TENM3: variants seen among roughly 807,000 people sequenced by gnomAD.
The protein encoded by TENM3 is teneurin transmembrane protein 3.
TENM3 carries 63 observed loss-of-function variants against 255.1 expected under a neutral mutation model. The observed-to-expected ratio is 0.25, with a 90% CI of 0.20 to 0.30. The LOEUF (loss-of-function observed/expected upper bound fraction) is 0.30. Ranked by LOEUF, TENM3 falls within the 10% of genes least tolerant of loss-of-function variation. The pLI is 1.00. For missense variants in TENM3, 2,929 were observed against 3,461.1 expected (o/e 0.85, Z 3.86); for synonymous variants, 1,306 against 1,322.3 (o/e 0.99, Z 0.27).
chr4:182,342,091 G>C (rs115783966), intron 2 of TENM3, among the ~76,000 whole-genome samples: 1 of 152,100 alleles, frequency 6.6e-6, no homozygotes, highest in African/African-American at 2.4e-5. Context: ...TGCCTCAAAA[G>C]GTTCAATACA....
the TENM3 span, among the ~76,000 whole-genome samples, chr4:181,863,285 A>G: frequency 6.6e-6 from 1 of 152,158 alleles, no homozygotes; most frequent in African/African-American, 2.4e-5. Flanking sequence ...AACTGTAAGC[A>G]ATGCATTTTT....
the TENM3 span, among the ~76,000 whole-genome samples, chr4:182,026,637 A>G: frequency 2.0e-5 from 3 of 152,124 alleles, no homozygotes; most frequent in African/African-American, 7.2e-5. Context: ...TGATTTTTGT[A>G]TATGGTGAGA....
At chr4:182,634,707 TAA>T (rs11395245) in intron 5 of TENM3, among the ~76,000 whole-genome samples, 150 of 116,372 alleles carry the variant, frequency 1.3e-3, no homozygotes, top group African/African-American at 3.6e-3. Flanking sequence ...ACTCTGAAAT[TAA>T]AAAAAAAAAA....
intron 5 of TENM3, among the ~76,000 whole-genome samples, chr4:182,641,768 C>G (rs1181284562): frequency 6.6e-6 from 1 of 152,186 alleles, no homozygotes; most frequent in Non-Finnish European, 1.5e-5. Flanking sequence ...CTCAAGTGAT[C>G]CACCTGCTTC....
chr4:182,298,784 C>A (rs1761652013), intron 1 of TENM3, among the ~76,000 whole-genome samples: 1 of 151,478 alleles, frequency 6.6e-6, no homozygotes, highest in African/African-American at 2.4e-5. Flanking sequence ...ACCAGCCTGG[C>A]CAATATGGTG....
At chr4:182,258,594 T>C (rs927766616) in intron 1 of TENM3, among the ~76,000 whole-genome samples, 2 of 152,200 alleles carry the variant, frequency 1.3e-5, no homozygotes, top group Admixed American at 1.3e-4. Context: ...AGAACAGGTA[T>C]TGTTATGTAA....
At chr4:182,071,636 C>T in the TENM3 span, among the ~76,000 whole-genome samples, 1 of 151,894 alleles carries the variant, frequency 6.6e-6, no homozygotes, top group Non-Finnish European at 1.5e-5. Flanking sequence ...TTTGGGGGTA[C>T]ATGTGATAAT....
chr4:182,141,013 G>C (rs945693208), upstream of TENM3, among the ~76,000 whole-genome samples: 1 of 101,830 alleles, frequency 9.8e-6, no homozygotes. Context: ...CCAGCCCTTT[G>C]AGAGGCTTCC....
chr4:181,816,962 T>A, the TENM3 span, among the ~76,000 whole-genome samples: 1 of 152,350 alleles, frequency 6.6e-6, no homozygotes, highest in South Asian at 2.1e-4. Context: ...TTTCTCATTT[T>A]ATAGATAAGT....
At chr4:182,510,203 G>A (rs1364412179) in intron 3 of TENM3, among the ~76,000 whole-genome samples, 1 of 152,190 alleles carries the variant, frequency 6.6e-6, no homozygotes, top group South Asian at 2.1e-4. Context: ...AAAATGGCCA[G>A]ATTAATCTAG....
At chr4:181,771,438 G>A in the TENM3 span, among the ~76,000 whole-genome samples, 2 of 152,174 alleles carry the variant, frequency 1.3e-5, no homozygotes, top group Non-Finnish European at 2.9e-5. Context: ...AAGAAAAAAA[G>A]CAAGCTTGGT....
intron 4 of TENM3, among the ~76,000 whole-genome samples, chr4:182,618,615 T>TG (rs1209581048): frequency 8.0e-6 from 1 of 124,836 alleles, no homozygotes; most frequent in Non-Finnish European, 1.9e-5. Context: ...TGCTAAGACA[T>TG]GGGGTTTAAA....
chr4:181,822,031 G>A, the TENM3 span, among the ~76,000 whole-genome samples: 1 of 152,182 alleles, frequency 6.6e-6, no homozygotes, highest in African/African-American at 2.4e-5. Context: ...TAAAGAACAA[G>A]AGAGCTTTTC....
chr4:182,141,958 C>T (rs1382335022), upstream of TENM3: 2 of 152,170 alleles, frequency 1.3e-5, no homozygotes, highest in African/African-American at 4.8e-5. Flanking sequence ...TCACTTACTA[C>T]TTGGAAAAGT....
At chr4:181,605,492 AAG>A in the TENM3 span, among the ~76,000 whole-genome samples, 4 of 8,382 alleles carry the variant, frequency 4.8e-4, 1 homozygote, top group Non-Finnish European at 5.1e-4. Flanking sequence ...GAAAGAAAGA[AAG>A]AAAGAAAGAA....
chr4:182,510,423 C>T (rs1737274345), intron 3 of TENM3, among the ~76,000 whole-genome samples: 2 of 152,138 alleles, frequency 1.3e-5, no homozygotes, highest in South Asian at 4.1e-4. Context: ...GTCCCACTTG[C>T]CTAAAAGACT....
At chr4:182,254,188 G>A (rs1441124765) in intron 1 of TENM3, among the ~76,000 whole-genome samples, 1 of 152,180 alleles carries the variant, frequency 6.6e-6, no homozygotes, top group Non-Finnish European at 1.5e-5. Context: ...CATGTGCAGT[G>A]TAAAACAAAG....
chr4:182,434,006 C>T (rs991845593), intron 3 of TENM3, among the ~76,000 whole-genome samples: 5 of 151,832 alleles, frequency 3.3e-5, no homozygotes, highest in South Asian at 2.1e-4. Flanking sequence ...CCCTGCTGCT[C>T]GGGAGACTGA....
chr4:181,751,459 G>A, the TENM3 span, among the ~76,000 whole-genome samples: 2 of 149,206 alleles, frequency 1.3e-5, no homozygotes, highest in Non-Finnish European at 3.0e-5. Flanking sequence ...TTCCCAGTCT[G>A]CAATCCAAGA....
Sources: gnomAD v4.1 joint callset for allele counts (sites outside exome capture counted in the v4.1 genomes callset) on GRCh38, gnomAD v4.1.1 for gene constraint, MANE v1.5 for transcripts, NCBI Gene and HGNC (gene_info 2026-07-23, HGNC 2026-07-21) for gene names.